FGF14: variants seen among roughly 807,000 people sequenced by gnomAD.
The protein encoded by FGF14 is fibroblast growth factor 14.
Under a neutral mutation model 25.5 loss-of-function variants are expected in FGF14, and 5 were observed. The observed-to-expected ratio is 0.20, with a 90% CI of 0.10 to 0.41. The LOEUF (loss-of-function observed/expected upper bound fraction) is 0.41, where lower values mean the gene tolerates loss of function less well. Among genes scored for constraint, FGF14 ranks in the 10% least tolerant of loss-of-function variants. The probability of loss-of-function intolerance (pLI) is 1.00; values close to 1 mark genes in which losing one functional copy is unlikely to be tolerated. For missense variants in FGF14, 222 were observed against 320.1 expected (o/e 0.69, Z 2.34); for synonymous variants, 138 against 118.3 (o/e 1.17, Z -1.08).
chr13:101,821,697 C>A (rs1380026214), intron 3 of FGF14, among the ~76,000 whole-genome samples: 1 of 152,192 alleles, frequency 6.6e-6, no homozygotes, highest in Non-Finnish European at 1.5e-5. Flanking sequence ...ACACTACCAG[C>A]ATTCAGTATT....
chr13:101,833,023 G>A (rs776211678), intron 3 of FGF14, among the ~76,000 whole-genome samples: 4 of 152,090 alleles, frequency 2.6e-5, no homozygotes, highest in South Asian at 4.1e-4. Context: ...AACCACACAC[G>A]AGGAAAAGCA....
At chr13:102,000,131 C>G (rs561531200) in intron 1 of FGF14, among the ~76,000 whole-genome samples, 1 of 151,942 alleles carries the variant, frequency 6.6e-6, no homozygotes, top group Non-Finnish European at 1.5e-5. Context: ...CTGGCTAACA[C>G]GGTAAAACCC....
At chr13:102,309,135 T>TACACACAC (rs34911009) in intron 1 of FGF14, among the ~76,000 whole-genome samples, 18,771 of 142,440 alleles carry the variant, frequency 0.13, 1,364 homozygotes, top group African/African-American at 0.17. Context: ...ATGCATAACA[T>TACACACAC]ACACACACAC....
At chr13:102,043,393 T>A (rs925031172) in intron 1 of FGF14, among the ~76,000 whole-genome samples, 3 of 152,156 alleles carry the variant, frequency 2.0e-5, no homozygotes, top group African/African-American at 7.2e-5. Context: ...GTTTAACAAC[T>A]GTCAAACAAC....
chr13:102,360,520 A>G (rs925933831), intron 1 of FGF14, among the ~76,000 whole-genome samples: 6 of 152,158 alleles, frequency 3.9e-5, no homozygotes, highest in African/African-American at 1.4e-4. Context: ...TTATGAGACA[A>G]ATAAAATAGT....
At chr13:101,810,549 C>T (rs1207755342) in intron 3 of FGF14, among the ~76,000 whole-genome samples, 1 of 152,270 alleles carries the variant, frequency 6.6e-6, no homozygotes, top group Middle Eastern at 3.4e-3. Flanking sequence ...TCTCCTGCTT[C>T]GCTGACATGC....
At chr13:102,170,016 G>A (rs2048181888) in intron 1 of FGF14, among the ~76,000 whole-genome samples, 2 of 152,272 alleles carry the variant, frequency 1.3e-5, no homozygotes, top group South Asian at 2.1e-4. Context: ...ATGCTCCTAT[G>A]AGTTTGTGGC....
At chr13:102,130,449 C>T (rs1166618592) in intron 1 of FGF14, among the ~76,000 whole-genome samples, 1 of 152,168 alleles carries the variant, frequency 6.6e-6, no homozygotes, top group East Asian at 1.9e-4. Flanking sequence ...TTCTGCCTCC[C>T]TTCTCCAATT....
At chr13:102,217,779 T>C (rs2050437532) in intron 1 of FGF14, among the ~76,000 whole-genome samples, 2 of 152,188 alleles carry the variant, frequency 1.3e-5, no homozygotes, top group South Asian at 4.1e-4. Flanking sequence ...GGTCCACCGG[T>C]GAAGCGCTAC....
chr13:101,848,719 A>G (rs1288359965), intron 3 of FGF14, among the ~76,000 whole-genome samples: 1 of 152,076 alleles, frequency 6.6e-6, no homozygotes, highest in Admixed American at 6.6e-5. Context: ...AGAGAGGGGA[A>G]GACAAGGAGA....
intron 3 of FGF14, among the ~76,000 whole-genome samples, chr13:101,792,071 A>C (rs761901310): frequency 1.3e-5 from 2 of 152,182 alleles, no homozygotes; most frequent in Non-Finnish European, 2.9e-5. Context: ...TACAATAAAA[A>C]GATCTATAAT....
intron 1 of FGF14, among the ~76,000 whole-genome samples, chr13:102,386,399 T>C (rs775484508): frequency 1.3e-5 from 2 of 152,176 alleles, no homozygotes; most frequent in African/African-American, 4.8e-5. Context: ...CCCAAAGTGC[T>C]GGGATTACAG....
intron 1 of FGF14, among the ~76,000 whole-genome samples, chr13:102,377,170 A>G (rs1303859262): frequency 1.3e-5 from 2 of 152,152 alleles, no homozygotes; most frequent in Non-Finnish European, 2.9e-5. Context: ...TACAATTTGC[A>G]TGAATATAAA....
intron 1 of FGF14, among the ~76,000 whole-genome samples, chr13:101,904,681 T>C (rs2032015625): frequency 6.6e-6 from 1 of 152,208 alleles, no homozygotes; most frequent in Admixed American, 6.5e-5. Flanking sequence ...TTTGTTAGTA[T>C]AGAAAGTTGC....
At chr13:101,985,411 T>C (rs147735071) in intron 1 of FGF14, among the ~76,000 whole-genome samples, 77 of 152,224 alleles carry the variant, frequency 5.1e-4, no homozygotes, top group African/African-American at 1.8e-3. Flanking sequence ...TAAAAAAACA[T>C]AGCACTTGTA....
chr13:102,169,723 T>C (rs908801870), intron 1 of FGF14, among the ~76,000 whole-genome samples: 1 of 152,138 alleles, frequency 6.6e-6, no homozygotes, highest in African/African-American at 2.4e-5. Context: ...AGCAATTTAA[T>C]TGGATAACCT....
intron 3 of FGF14, among the ~76,000 whole-genome samples, chr13:101,849,189 G>T (rs903306846): frequency 2.0e-5 from 3 of 151,992 alleles, no homozygotes; most frequent in African/African-American, 7.2e-5. Flanking sequence ...TTAACAAATT[G>T]CAGCTTTGAG....
intron 1 of FGF14, among the ~76,000 whole-genome samples, chr13:102,115,028 T>C (rs1332435468): frequency 1.3e-5 from 2 of 152,188 alleles, no homozygotes; most frequent in Non-Finnish European, 1.5e-5. Context: ...AAGGCTGAAT[T>C]GGACAGATGG....
chr13:101,768,021 T>C (rs1488982986), intron 3 of FGF14, among the ~76,000 whole-genome samples: 2 of 152,270 alleles, frequency 1.3e-5, no homozygotes, highest in Non-Finnish European at 2.9e-5. Flanking sequence ...TAATTTAGAG[T>C]AGGCATTATT....
Sources: gnomAD v4.1 joint callset for allele counts (sites outside exome capture counted in the v4.1 genomes callset) on GRCh38, gnomAD v4.1.1 for gene constraint, MANE v1.5 for transcripts, NCBI Gene and HGNC (gene_info 2026-07-23, HGNC 2026-07-21) for gene names.